Variants in MEGF11 observed in about 807,000 individuals in gnomAD.
MEGF11 encodes the protein multiple epidermal growth factor-like domains protein 11.
Under a neutral mutation model 146.6 loss-of-function variants are expected in MEGF11, and 126 were observed. That is an observed-to-expected ratio of 0.86 (90% confidence interval 0.74 to 1.00). MEGF11 has a LOEUF of 1.00. Among genes scored for constraint, MEGF11 ranks in the 50% least tolerant of loss-of-function variants. MEGF11 has a pLI of 0.00. For synonymous variants in MEGF11, 532 were observed against 583.4 expected, an observed-to-expected ratio of 0.91 and a Z score of 1.27; for missense variants, 1,509 against 1,521.2, an observed-to-expected ratio of 0.99 and a Z score of 0.13.
intron 5 of MEGF11, among the ~76,000 whole-genome samples, chr15:65,996,498 TA>T (rs1417907150): frequency 6.8e-6 from 1 of 147,562 alleles, no homozygotes; most frequent in African/African-American, 2.5e-5. Context: ...TTTTTTTTTT[TA>T]ATCTCAGATG....
At position 65,896,910 on chromosome 15, in the gene MEGF11, T is replaced by C. The variant is rs1170697731; in HGVS notation, c.*1024A>G. On this transcript the variant is annotated 3_prime_UTR_variant, in exon 26 of 26. Transcript: ENST00000395614. Reference sequence around the variant, plus strand: ...ATAATGTACTTTAAGCAGTGTAAACTTGCTGTATCCACATTTGTCCAATTT... The same window carrying C: ...ATAATGTACTTTAAGCAGTGTAAACCTGCTGTATCCACATTTGTCCAATTT... 1 of 152,246 alleles carries C rather than the reference T, an allele frequency of 6.6e-6. No individual in the cohort carries two copies. Among genetic ancestry groups the C allele is most frequent in the Non-Finnish European group, 1.5e-5 (1 of 68,046 alleles). The allele number at this position is 152,246 out of a possible 1,614,324, so 9.4% of individuals were successfully genotyped here. A position where few individuals can be genotyped will look rare whatever the true frequency, so the allele number is the denominator to read the frequency against.
chr15:66,018,628 TGA>T (rs1453264586), intron 5 of MEGF11, among the ~76,000 whole-genome samples: 4 of 152,078 alleles, frequency 2.6e-5, no homozygotes, highest in African/African-American at 7.2e-5. Flanking sequence ...AGCGCATGTG[TGA>T]GTGTGTGCGA....
chr15:65,967,018 T>G (rs1401398294), intron 8 of MEGF11: 1 of 152,168 alleles, frequency 6.6e-6, no homozygotes, highest in African/African-American at 2.4e-5. Flanking sequence ...TCTGGGGTTC[T>G]GGGATATCTT....
At position 66,116,314 on chromosome 15, in the gene MEGF11, C is replaced by T. The variant is rs113685376; in HGVS notation, c.301+2772G>A. Reference sequence around the variant, plus strand: ...CGCCTTCCCGTCATGAAAGTAGATTCCACAAGGGCAGGGGCTATTTGTATT... The same window carrying T: ...CGCCTTCCCGTCATGAAAGTAGATTTCACAAGGGCAGGGGCTATTTGTATT... On this transcript the variant is annotated intron_variant, in intron 4 of 25. Transcript: ENST00000395614. Among the ~76,000 whole-genome samples the T allele has an allele frequency of 7.4e-3, 1,121 of 152,162 alleles. 7 individuals are homozygous for T. The highest frequency in any genetic ancestry group is 0.024 in the Middle Eastern group (7 of 294).
chr15:66,216,288 T>A (rs925584221), intron 1 of MEGF11, among the ~76,000 whole-genome samples: 1 of 152,190 alleles, frequency 6.6e-6, no homozygotes, highest in Non-Finnish European at 1.5e-5. Context: ...CTTGGGGGAC[T>A]GCAGCCATCA....
intron 2 of MEGF11, among the ~76,000 whole-genome samples, chr15:66,127,777 G>A (rs1037036151): frequency 2.0e-5 from 3 of 152,120 alleles, no homozygotes; most frequent in Non-Finnish European, 2.9e-5. Flanking sequence ...CCGCTCTTCC[G>A]CTGCAGCTTT....
intron 5 of MEGF11, among the ~76,000 whole-genome samples, chr15:65,993,771 T>A (rs1026311678): frequency 2.6e-5 from 4 of 152,078 alleles, no homozygotes; most frequent in Non-Finnish European, 5.9e-5. Context: ...AGTTGTGGGG[T>A]CCAAGCCCAT....
chr15:66,036,694 C>T (rs981154203), intron 5 of MEGF11, among the ~76,000 whole-genome samples: 1 of 152,140 alleles, frequency 6.6e-6, no homozygotes, highest in Non-Finnish European at 1.5e-5. Flanking sequence ...AGGAAAGGGG[C>T]GGGGAGGCAA....
intron 5 of MEGF11, among the ~76,000 whole-genome samples, chr15:66,004,159 T>C (rs2082451743): frequency 5.9e-5 from 9 of 152,054 alleles, no homozygotes; most frequent in Admixed American, 5.9e-4. Context: ...TGCCCCACAT[T>C]GAAAGCTGGA....
rs753755756 is a variant in MEGF11 at position 65,916,174 on chromosome 15, C to G, written c.2318G>C (p.Gly773Ala). The G allele has an allele frequency of 6.3e-7, 1 of 1,589,896 alleles. No homozygotes were observed. Among genetic ancestry groups the G allele is most frequent in the Middle Eastern group, 1.7e-4 (1 of 6,024 alleles). ...HISGKCTCRT[G>A]FTGQHCEQRC... ...CTGCTCACAGTGTTGCCCGGTGAAG[C>G]CTGTGCGGCAGGTGCACTTGCCACT... The change falls in exon 18 of 26, where the codon GGC (glycine) becomes GCC (alanine). Residue 773 changes from glycine (G) to alanine (A), a missense_variant. By Grantham distance (60) the Gly-to-Ala change is moderately conservative. Coordinates refer to ENST00000395614, the MANE Select transcript of MEGF11 (RefSeq NM_001385028.1).
intron 1 of MEGF11, among the ~76,000 whole-genome samples, chr15:66,183,425 A>G (rs900778544): frequency 6.6e-6 from 1 of 151,916 alleles, no homozygotes; most frequent in African/African-American, 2.4e-5. Flanking sequence ...GCTTGAATCC[A>G]GGAGGTGGAG....
chr15:66,150,915 G>A lies in MEGF11; in HGVS notation c.-8-22504C>T, dbSNP rs149572345. 3.0e-3 allele frequency among the ~76,000 whole-genome samples: 456 copies of A among 151,362 alleles called. 2 individuals are homozygous for A. The highest frequency in any genetic ancestry group is 4.3e-3 in the Non-Finnish European group (290 of 67,918). On this transcript the variant is annotated intron_variant, in intron 1 of 25. Transcript: ENST00000395614. ...ACACCCCTTGTCAGTGACTAAGGGT[G>A]AAAACTCAGGTCTCAGACAATCATC...
intron 1 of MEGF11, among the ~76,000 whole-genome samples, chr15:66,159,607 G>A (rs1398145313): frequency 3.3e-5 from 5 of 152,214 alleles, no homozygotes; most frequent in African/African-American, 1.2e-4. Context: ...CAGCGTGTGG[G>A]AGGATGGGAA....
intron 17 of MEGF11, among the ~76,000 whole-genome samples, 153 bp from the exon 18 acceptor site, chr15:65,916,429 C>T (rs542430844): frequency 1.5e-3 from 225 of 152,290 alleles, no homozygotes; most frequent in Middle Eastern, 6.8e-3. Flanking sequence ...TGCTCAGGAT[C>T]TTCATGCTGA....
intron 10 of MEGF11, among the ~76,000 whole-genome samples, chr15:65,954,679 C>T (rs752720578): frequency 6.6e-6 from 1 of 152,224 alleles, no homozygotes; most frequent in African/African-American, 2.4e-5. Flanking sequence ...ACCTGTGCCC[C>T]AAAGTTCAAG....
intron 5 of MEGF11, among the ~76,000 whole-genome samples, chr15:66,048,201 C>T (rs534526994): frequency 4.6e-5 from 7 of 152,324 alleles, no homozygotes; most frequent in African/African-American, 1.4e-4. Flanking sequence ...CCGCCTTGGC[C>T]TCCCAAAGTG....
At chr15:66,196,596 C>T (rs1597146753) in intron 1 of MEGF11, among the ~76,000 whole-genome samples, 2 of 152,208 alleles carry the variant, frequency 1.3e-5, no homozygotes, top group Non-Finnish European at 2.9e-5. Flanking sequence ...AGAAAGGTCA[C>T]TCTACCTATT....
Position 65,897,631 on chromosome 15 carries a change from T to TAG in MEGF11, c.*302_*303insCT, listed in dbSNP as rs1160297318. On this transcript the variant is annotated 3_prime_UTR_variant, in exon 26 of 26. Transcript: ENST00000395614. ...TTTAAAATATCACGTTTCAGATAAATATATATATATATATCAGCTATATTT... is the reference window on the plus strand; with the variant it reads ...TTTAAAATATCACGTTTCAGATAAATAGATATATATATATATCAGCTATATTT... 6.0e-6 allele frequency: 1 copy of TAG among 166,402 alleles called. No homozygotes were observed. The highest frequency in any genetic ancestry group is 1.3e-5 in the Non-Finnish European group (1 of 78,162). 10.3% of individuals were successfully genotyped at this position (166,402 alleles called of 1,614,324 possible).
chr15:65,940,493 CA>C (rs1204443683), intron 10 of MEGF11, among the ~76,000 whole-genome samples: 5 of 152,192 alleles, frequency 3.3e-5, no homozygotes, highest in African/African-American at 1.2e-4. Flanking sequence ...ACGTGGCCCA[CA>C]AGGCAAACAG....
Sources: allele counts gnomAD v4.1 joint callset (sites outside exome capture counted in the v4.1 genomes callset), GRCh38; gene constraint gnomAD v4.1.1; transcripts MANE v1.5; gene names NCBI Gene and HGNC (gene_info 2026-07-23, HGNC 2026-07-21).